The following DIP2A variants were observed in gnomAD, a reference collection of about 807,000 sequenced individuals.
DIP2A encodes the protein disco-interacting protein 2 homolog A.
A neutral mutation model predicts 177.4 loss-of-function variants in DIP2A; 85 were observed. That is an observed-to-expected ratio of 0.48 (90% CI 0.40 to 0.57). The LOEUF (loss-of-function observed/expected upper bound fraction) is 0.57. Among genes scored for constraint, DIP2A ranks in the 20% least tolerant of loss-of-function variants. The probability of loss-of-function intolerance (pLI) is 0.00; values close to 1 mark genes in which losing one functional copy is unlikely to be tolerated. For missense variants in DIP2A, 1,791 were observed against 2,100.2 expected (o/e 0.85, Z 2.88); for synonymous variants, 886 against 881.8 (o/e 1.00, Z -0.08).
rs1448513476 is a variant in DIP2A, at chr21:46,562,104, A to G, written c.4089+299A>G. Among the ~76,000 whole-genome samples, 3 of 152,206 alleles carry G rather than the reference A, an allele frequency of 2.0e-5. No homozygotes were observed. The East Asian group carries it at 5.8e-4, about 29-fold the overall frequency. ...GCCTCAGGCCTCTGGGGCCAGGGCC[A>G]TGGAGGGGGGTTCCGGCCCACCCAC... On this transcript the variant is annotated intron_variant, in intron 34 of 37. Coordinates refer to ENST00000417564, the MANE Select transcript of DIP2A (RefSeq NM_015151.4).
At chr21:46,506,081 AC>A (rs141507675) in intron 6 of DIP2A, among the ~76,000 whole-genome samples, 5,474 of 152,228 alleles carry the variant, frequency 0.036, 145 homozygotes, top group Middle Eastern at 0.082. Flanking sequence ...TTGGGTCAAT[AC>A]CTAGAAGTAG....
At chr21:46,500,659 G>A (rs996887225) in intron 5 of DIP2A, among the ~76,000 whole-genome samples, 23 of 152,176 alleles carry the variant, frequency 1.5e-4, no homozygotes, top group Non-Finnish European at 3.2e-4. Context: ...CACTGTTTCC[G>A]GGTGGGTTAG....
At position 46,556,408 on chromosome 21, in the gene DIP2A, G is replaced by A; in HGVS notation, c.3498+317G>A. The A allele has an allele frequency of 1.5e-6, 2 of 1,340,946 alleles. No individual in the cohort carries two copies. The highest frequency in any genetic ancestry group is 2.0e-6 in the Non-Finnish European group (2 of 1,013,014). 83.1% of individuals were successfully genotyped at this position (1,340,946 alleles called of 1,614,324 possible). ...GCTCAATTAAAATTTTTCAGGCGGGGCGTGGTGGCTCACGCCTGTAATCCC... is the reference window on the plus strand; with the variant it reads ...GCTCAATTAAAATTTTTCAGGCGGGACGTGGTGGCTCACGCCTGTAATCCC... On this transcript the variant is annotated intron_variant, in intron 29 of 37. Transcript: ENST00000417564. The surrounding 1 kb of genome is among the most constrained non-coding windows in gnomAD (Gnocchi z 4.5).
chr21:46,470,844 G>A (rs557584045), intron 1 of DIP2A, among the ~76,000 whole-genome samples: 8 of 143,610 alleles, frequency 5.6e-5, no homozygotes, highest in South Asian at 2.3e-4. Flanking sequence ...CAGGAGAATC[G>A]CTTGAACCCA....
At chr21:46,541,316 G>A (rs1299297012) in intron 17 of DIP2A, among the ~76,000 whole-genome samples, 3 of 152,184 alleles carry the variant, frequency 2.0e-5, no homozygotes, top group African/African-American at 7.2e-5. Flanking sequence ...GGAGGGAGCG[G>A]TGAGGGGCTG....
the DIP2A span, among the ~76,000 whole-genome samples, chr21:46,575,825 C>A: frequency 6.6e-6 from 1 of 152,180 alleles, no homozygotes; most frequent in African/African-American, 2.4e-5. Context: ...CAGTACTACT[C>A]AAAGCCATCT....
chr21:46,554,094 G>A (rs2148880684), intron 25 of DIP2A, 75 bp from the exon 26 acceptor site: 11 of 1,513,062 alleles, frequency 7.3e-6, no homozygotes, highest in Middle Eastern at 1.7e-4. Context: ...GCGTGCAGGT[G>A]GTGTGCACGC....
Position 46,537,194 on chromosome 21 carries a change from A to C in DIP2A, c.1643-30A>C. Reference sequence around the variant, plus strand: ...ATAGGGCTTATTGAGAGGGTTGCTCAGTGGTGTCACCTTCTTTGTCCACTT... The same window carrying C: ...ATAGGGCTTATTGAGAGGGTTGCTCCGTGGTGTCACCTTCTTTGTCCACTT... On this transcript the variant is annotated intron_variant, in intron 13 of 37. Transcript: ENST00000417564. This position sits in a 1 kb window ranked among gnomAD's most constrained non-coding sequence, Gnocchi z 4.1. 1 of 1,612,958 alleles carries C rather than the reference A, an allele frequency of 6.2e-7. No individual in the cohort carries two copies. Among genetic ancestry groups the C allele is most frequent in the Non-Finnish European group, 8.5e-7 (1 of 1,178,902 alleles).
Position 46,546,899 on chromosome 21 carries a change from A to G in DIP2A, c.2395-16A>G. 6.2e-7 allele frequency: 1 copy of G among 1,613,310 alleles called. No homozygotes were observed. ...GCCCGTGTGGGTGGAGTCTTGACGCACACCCTTTCCCTCAGGACAACCTGG... is the reference window on the plus strand; with the variant it reads ...GCCCGTGTGGGTGGAGTCTTGACGCGCACCCTTTCCCTCAGGACAACCTGG... On this transcript the variant is annotated splice_polypyrimidine_tract_variant and intron_variant, in intron 20 of 37. Coordinates refer to ENST00000417564, the MANE Select transcript of DIP2A (RefSeq NM_015151.4).
chr21:46,531,060 G>A (rs2059335056), intron 9 of DIP2A, among the ~76,000 whole-genome samples: 2 of 152,166 alleles, frequency 1.3e-5, no homozygotes, highest in East Asian at 3.8e-4. Flanking sequence ...ATGTCCCTCA[G>A]CCACATGAGT....
chr21:46,488,651 C>T (rs1239780102), intron 2 of DIP2A, among the ~76,000 whole-genome samples: 1 of 152,164 alleles, frequency 6.6e-6, no homozygotes, highest in Non-Finnish European at 1.5e-5. Flanking sequence ...TTTCTCTTAT[C>T]ACATTGGCAA....
intron 17 of DIP2A, among the ~76,000 whole-genome samples, chr21:46,540,838 AC>A (rs1213846941): frequency 6.6e-6 from 1 of 152,024 alleles, no homozygotes; most frequent in Non-Finnish European, 1.5e-5. Flanking sequence ...ACATAGTGAA[AC>A]CCCATCTCTA....
intron 2 of DIP2A, among the ~76,000 whole-genome samples, chr21:46,487,268 G>A (rs1050692516): frequency 1.3e-5 from 2 of 152,128 alleles, no homozygotes; most frequent in South Asian, 2.1e-4. Flanking sequence ...GAAGATTGAC[G>A]AGGCTCTTTA....
chr21:46,464,141 C>G (rs888487036), intron 1 of DIP2A, among the ~76,000 whole-genome samples: 1 of 151,922 alleles, frequency 6.6e-6, no homozygotes, highest in Non-Finnish European at 1.5e-5. Flanking sequence ...CACCTGTAAT[C>G]CCAGCACTTT....
chr21:46,495,179 TTTCTCTTCTCTTCTC>T lies in DIP2A; in HGVS notation c.284-1759_284-1745del, dbSNP rs373831760. On this transcript the variant is annotated intron_variant, in intron 3 of 37. Transcript: ENST00000417564. ...ATCCCTCCCTCTTTCTCTTTCGCTTTTTCTCTTCTCTTCTCTTCTCTTCTCTTCTCTTCTCTTCTC... is the reference window on the plus strand; with the variant it reads ...ATCCCTCCCTCTTTCTCTTTCGCTTTTTCTCTTCTCTTCTCTTCTCTTCTC... Among the ~76,000 whole-genome samples, 354 of 72,436 alleles carry T rather than the reference TTTCTCTTCTCTTCTC, an allele frequency of 4.9e-3. 4 individuals are homozygous for T. Among genetic ancestry groups the T allele is most frequent in the South Asian group, 0.011 (18 of 1,674 alleles). 47.5% of individuals were successfully genotyped at this position (72,436 alleles called of 152,430 possible). A position where few individuals can be genotyped will look rare whatever the true frequency, so the allele number is the denominator to read the frequency against.
Position 46,550,715 on chromosome 21 carries a change from A to C in DIP2A, c.2810A>C (p.Asn937Thr). ...ATGTGCCCTCACACCTGTGTTACCA[A>C]CCTCCCCAAACCTCGTCAGAAACAA... ...VLMCPHTCVT[N>T]LPKPRQKQPE... Residue 937 changes from asparagine to threonine, a missense_variant, in exon 23 of 38, where the codon AAC becomes ACC. By Grantham distance (65) the Asn-to-Thr change is moderately conservative (BLOSUM62 0). Coordinates refer to ENST00000417564, the MANE Select transcript of DIP2A (RefSeq NM_015151.4). 1 of 1,613,804 alleles carries C rather than the reference A, an allele frequency of 6.2e-7. No homozygotes were observed. Among genetic ancestry groups the C allele is most frequent in the Non-Finnish European group, 8.5e-7 (1 of 1,179,834 alleles).
At chr21:46,570,634 T>A (rs987494909), downstream of DIP2A, among the ~76,000 whole-genome samples, 1 of 152,252 alleles carries the variant, frequency 6.6e-6, no homozygotes, top group African/African-American at 2.4e-5. Context: ...TTTCAGATTA[T>A]GAATATAGCT....
At chr21:46,544,078 C>T (rs2059932817) in intron 18 of DIP2A, among the ~76,000 whole-genome samples, 1 of 152,084 alleles carries the variant, frequency 6.6e-6, no homozygotes, top group African/African-American at 2.4e-5. Context: ...TGGACCACAG[C>T]CCATTCATTT....
At position 46,490,597 on chromosome 21, in the gene DIP2A, C is replaced by T; in HGVS notation, c.164-3C>T. ...AAGGTATTCCCATAAAATTGTGTTTCAGGAATAGACCCATCTCTGCAAGCA... is the reference window on the plus strand; with the variant it reads ...AAGGTATTCCCATAAAATTGTGTTTTAGGAATAGACCCATCTCTGCAAGCA... On this transcript the variant is annotated splice_region_variant and splice_polypyrimidine_tract_variant and intron_variant, in intron 2 of 37. Coordinates refer to ENST00000417564, the MANE Select transcript of DIP2A (RefSeq NM_015151.4). 1 of 1,554,384 alleles carries T rather than the reference C, an allele frequency of 6.4e-7. No individual in the cohort carries two copies. Among genetic ancestry groups the T allele is most frequent in the Non-Finnish European group, 8.7e-7 (1 of 1,150,132 alleles).
Sources: gnomAD v4.1 joint callset for allele counts (sites outside exome capture counted in the v4.1 genomes callset) on GRCh38, gnomAD v4.1.1 for gene constraint, Gnocchi (gnomAD v3.1) non-coding constraint, MANE v1.5 for transcripts, NCBI Gene and HGNC (gene_info 2026-07-23, HGNC 2026-07-21) for gene names.